Variants in ROPN1 observed in about 807,000 individuals in gnomAD.
ROPN1 encodes ropporin-1A.
In ROPN1, 14 loss-of-function variants were observed where a neutral mutation model predicts 20.5. That is an observed-to-expected ratio of 0.68 (90% confidence interval 0.45 to 1.07). ROPN1 has a LOEUF of 1.07. Ranked by LOEUF, ROPN1 falls within the 50% of genes least tolerant of loss-of-function variation. The probability of loss-of-function intolerance (pLI) is 0.00; values close to 1 mark genes in which losing one functional copy is unlikely to be tolerated. For missense variants in ROPN1, 169 were observed against 242.8 expected (o/e 0.70, Z 2.02); for synonymous variants, 76 against 95.7 (o/e 0.79, Z 1.20).
rs62263746 is a variant in ROPN1, at chr3:123,978,553, T to A, written c.117-1572A>T. ...GTTATACACATATATTGCAAATTTGTGTTGTAACACATGCCTACCAGAGGA... is the reference window on the plus strand; with the variant it reads ...GTTATACACATATATTGCAAATTTGAGTTGTAACACATGCCTACCAGAGGA... On this transcript the variant is annotated intron_variant, in intron 2 of 5. Coordinates refer to ENST00000405845, the MANE Select transcript of ROPN1 (RefSeq NM_001317774.2). 3.4e-4 allele frequency: 52 copies of A among 153,720 alleles called. No individual in the cohort carries two copies. In the East Asian group the frequency reaches 3.7e-3, roughly 11 times the overall value. The allele number at this position is 153,720 out of a possible 1,614,324, so 9.5% of individuals were successfully genotyped here.
intron 2 of ROPN1, 67 bp downstream of exon 2, chr3:123,980,299 G>C (rs1185768797): frequency 6.7e-7 from 1 of 1,484,780 alleles, no homozygotes; most frequent in African/African-American, 1.4e-5. Context: ...GACAACCTCC[G>C]CGGTTTTACA....
Position 123,990,368 on chromosome 3 carries a change from C to T in ROPN1, c.-13+1554G>A, listed in dbSNP as rs537509286. ...TGAAGGACAGAAAAGTCTAGAGTGACTATCAGTTTTCAAGCTTGGATGACT... is the reference window on the plus strand; with the variant it reads ...TGAAGGACAGAAAAGTCTAGAGTGATTATCAGTTTTCAAGCTTGGATGACT... On this transcript the variant is annotated intron_variant, in intron 1 of 5. Coordinates refer to ENST00000405845, the MANE Select transcript of ROPN1 (RefSeq NM_001317774.2). Among the ~76,000 whole-genome samples, 12 of 151,982 alleles carry T rather than the reference C, an allele frequency of 7.9e-5. 1 individual carries two copies. Among genetic ancestry groups the T allele is most frequent in the Admixed American group, 2.0e-4 (3 of 15,260 alleles).
At chr3:123,975,712 CT>C (rs2038006182) in intron 3 of ROPN1, 172 bp from the exon 4 acceptor site, 3 of 660,424 alleles carry the variant, frequency 4.5e-6, no homozygotes, top group Non-Finnish European at 7.9e-6. Context: ...TTTGCAAATC[CT>C]AGTGAAGAGC....
intron 1 of ROPN1, chr3:123,980,723 C>G (rs1194654375): frequency 2.4e-6 from 1 of 408,846 alleles, no homozygotes; most frequent in African/African-American, 2.0e-5. Flanking sequence ...AGCCCTTGTT[C>G]ATTTAAAAAG....
intron 1 of ROPN1, among the ~76,000 whole-genome samples, chr3:123,989,256 G>C (rs1195911607): frequency 6.6e-6 from 1 of 152,206 alleles, no homozygotes. Flanking sequence ...CCTAAGGCTG[G>C]AAATATAGCT....
intron 2 of ROPN1, among the ~76,000 whole-genome samples, chr3:123,977,594 T>A (rs2038050943): frequency 6.6e-6 from 1 of 152,040 alleles, no homozygotes; most frequent in African/African-American, 2.4e-5. Context: ...CTGGGGTGAA[T>A]CAGGAAGGGT....
At chr3:123,985,225 A>G (rs2038226503) in intron 1 of ROPN1, among the ~76,000 whole-genome samples, 1 of 152,262 alleles carries the variant, frequency 6.6e-6, no homozygotes, top group Admixed American at 6.5e-5. Flanking sequence ...GGTTTTATGT[A>G]TAACACCTGC....
intron 4 of ROPN1, among the ~76,000 whole-genome samples, chr3:123,970,955 A>G (rs933986944): frequency 1.3e-5 from 2 of 152,204 alleles, no homozygotes; most frequent in Non-Finnish European, 2.9e-5. Context: ...ATGTCTTTAA[A>G]TAACCCACCC....
At chr3:123,977,848 G>A (rs1341136222) in intron 2 of ROPN1, among the ~76,000 whole-genome samples, 1 of 152,218 alleles carries the variant, frequency 6.6e-6, no homozygotes, top group African/African-American at 2.4e-5. Context: ...CAAGTACTGA[G>A]TTCTGTTTCA....
intron 1 of ROPN1, among the ~76,000 whole-genome samples, chr3:123,986,224 A>G (rs2038252409): frequency 6.6e-6 from 1 of 151,246 alleles, no homozygotes; most frequent in Non-Finnish European, 1.5e-5. Flanking sequence ...GTAGTCAAAA[A>G]GGCCTATAGT....
At chr3:123,980,294 C>T in intron 2 of ROPN1, 72 bp downstream of exon 2, 3 of 1,437,854 alleles carry the variant, frequency 2.1e-6, no homozygotes, top group Admixed American at 3.4e-5. Context: ...GCCATGACAA[C>T]CTCCGCGGTT....
rs780819735 is a variant in ROPN1 at position 123,969,216 on chromosome 3, C to A, written c.578G>T (p.Gly193Val). 7.4e-6 allele frequency: 12 copies of A among 1,613,320 alleles called. No homozygotes were observed. The highest frequency in any genetic ancestry group is 6.7e-5 in the East Asian group (3 of 44,874). ...ATTCACTGTGATTATACCATCAGGG[C>A]CAATTCTGTTTGGAAAAAGGTATAT... The part of the protein sequence containing the change: ...MLNYMEQEVI[G>V]PDGIITVNDF... The change falls in exon 6 of 6, where the codon GGC becomes GTC. Residue 193 changes from glycine to valine, a missense_variant. Around this residue, in one of 3 missense-constraint regions of ROPN1, gnomAD observed 82 missense variants for 100.1 expected, o/e 0.82. Transcript: ENST00000405845.
chr3:123,989,823 C>T (rs2038361613), intron 1 of ROPN1, among the ~76,000 whole-genome samples: 1 of 152,176 alleles, frequency 6.6e-6, no homozygotes, highest in African/African-American at 2.4e-5. Context: ...TTTCTCTGCT[C>T]TCCAGTCAGC....
intron 1 of ROPN1, among the ~76,000 whole-genome samples, chr3:123,990,469 C>T (rs1193198202): frequency 6.6e-6 from 1 of 152,156 alleles, no homozygotes; most frequent in Non-Finnish European, 1.5e-5. Context: ...CCCCCATGTT[C>T]CCATTTACTT....
At chr3:123,990,829 T>C (rs2038391295) in intron 1 of ROPN1, among the ~76,000 whole-genome samples, 1 of 152,200 alleles carries the variant, frequency 6.6e-6, no homozygotes, top group Admixed American at 6.5e-5. Context: ...CTGAAGAATG[T>C]AGGTCTTAAA....
intron 1 of ROPN1, among the ~76,000 whole-genome samples, chr3:123,986,563 A>G (rs915928941): frequency 4.6e-5 from 7 of 152,144 alleles, no homozygotes; most frequent in African/African-American, 1.7e-4. Context: ...TGTTCTCTGC[A>G]CAGTGTTAGC....
chr3:123,977,370 A>G (rs1393497424), intron 2 of ROPN1, among the ~76,000 whole-genome samples: 1 of 152,226 alleles, frequency 6.6e-6, no homozygotes, highest in Non-Finnish European at 1.5e-5. Context: ...GAAGAGAACT[A>G]AAAAGTAATG....
chr3:123,985,557 C>G (rs1025778056), intron 1 of ROPN1, among the ~76,000 whole-genome samples: 1 of 151,862 alleles, frequency 6.6e-6, no homozygotes, highest in African/African-American at 2.4e-5. Flanking sequence ...CTTATTTATT[C>G]TTGGCTTTTG....
At chr3:123,981,734 G>A (rs765137270) in intron 1 of ROPN1, among the ~76,000 whole-genome samples, 2 of 152,208 alleles carry the variant, frequency 1.3e-5, no homozygotes, top group Non-Finnish European at 2.9e-5. Flanking sequence ...GTGGTCTTAG[G>A]TTGGTGGGAC....
Sources: allele counts gnomAD v4.1 joint callset (sites outside exome capture counted in the v4.1 genomes callset), GRCh38; gene constraint gnomAD v4.1.1; regional missense constraint gnomAD v4.1.1; transcripts MANE v1.5; gene names NCBI Gene and HGNC (gene_info 2026-07-23, HGNC 2026-07-21).